Variants in FNDC3A observed in about 807,000 individuals in gnomAD.
FNDC3A encodes the protein fibronectin type III domain containing 3A.
In FNDC3A, 32 loss-of-function variants were observed where a neutral mutation model predicts 148.9. The ratio of observed to expected loss-of-function variants is 0.21; its 90% CI spans 0.16 to 0.29. FNDC3A has a LOEUF of 0.29. Among genes scored for constraint, FNDC3A ranks in the 10% least tolerant of loss-of-function variants. FNDC3A has a pLI of 1.00. For synonymous variants in FNDC3A, 472 were observed against 473.6 expected (o/e 1.00, Z 0.04); for missense variants, 1,191 against 1,452.8 (o/e 0.82, Z 2.93).
chr13:49,007,886 T>G (rs1952251959), intron 2 of FNDC3A, among the ~76,000 whole-genome samples: 1 of 152,148 alleles, frequency 6.6e-6, no homozygotes, highest in Admixed American at 6.6e-5. Context: ...ACTAGCAGGT[T>G]GCGTGTAGTT....
intron 4 of FNDC3A, among the ~76,000 whole-genome samples, chr13:49,118,137 TTTTTAGTTAA>T (rs1203927208): frequency 3.9e-5 from 6 of 152,292 alleles, no homozygotes. Context: ...GTCTTATCGT[TTTTTAGTTAA>T]TTTAAGTTTC....
At position 49,201,780 on chromosome 13, in the gene FNDC3A, A is replaced by AATAGTTATT; in HGVS notation, c.2988-19_2988-11dup. ...TCATAAGGTAGTATAAGGTTTATCTAATAGTTATTTCCATTTTAGGTTTGT... is the reference window on the plus strand; with the variant it reads ...TCATAAGGTAGTATAAGGTTTATCTAATAGTTATTATAGTTATTTCCATTTTAGGTTTGT... On this transcript the variant is annotated intron_variant, in intron 23 of 25. Coordinates refer to ENST00000492622, the MANE Select transcript of FNDC3A (RefSeq NM_001079673.2). 1 of 1,316,588 alleles carries AATAGTTATT rather than the reference A, an allele frequency of 7.6e-7. No individual in the cohort carries two copies. Among genetic ancestry groups the AATAGTTATT allele is most frequent in the Non-Finnish European group, 1.0e-6 (1 of 975,136 alleles). The allele number at this position is 1,316,588 out of a possible 1,614,324, so 81.6% of individuals were successfully genotyped here. A position where few individuals can be genotyped will look rare whatever the true frequency, so the allele number is the denominator to read the frequency against.
At chr13:49,033,081 G>A (rs1236656740) in intron 2 of FNDC3A, among the ~76,000 whole-genome samples, 1 of 152,104 alleles carries the variant, frequency 6.6e-6, no homozygotes, top group Non-Finnish European at 1.5e-5. Context: ...TATGGGATTT[G>A]TACACTGATG....
intron 1 of FNDC3A, among the ~76,000 whole-genome samples, chr13:48,984,197 A>C (rs1481706861): frequency 6.6e-6 from 1 of 152,194 alleles, no homozygotes; most frequent in South Asian, 2.1e-4. Context: ...ATGTGAATGG[A>C]TGGAGGAGTA....
chr13:49,171,828 G>A (rs145422244), intron 10 of FNDC3A, among the ~76,000 whole-genome samples: 139 of 152,170 alleles, frequency 9.1e-4, no homozygotes, highest in Non-Finnish European at 1.7e-3. Context: ...TTCAGTGTTC[G>A]GAAAGACTTG....
At chr13:49,049,418 G>A (rs1311355280) in intron 2 of FNDC3A, among the ~76,000 whole-genome samples, 1 of 151,996 alleles carries the variant, frequency 6.6e-6, no homozygotes, top group African/African-American at 2.4e-5. Context: ...ATAGAATTCA[G>A]CTGTGAATCC....
intron 3 of FNDC3A, among the ~76,000 whole-genome samples, chr13:49,093,013 G>A (rs1253391985): frequency 6.6e-6 from 1 of 152,090 alleles, no homozygotes; most frequent in Non-Finnish European, 1.5e-5. Flanking sequence ...CTAGTTATTG[G>A]TGGATCTAGA....
intron 2 of FNDC3A, among the ~76,000 whole-genome samples, chr13:49,043,469 C>T (rs970414262): frequency 6.6e-6 from 1 of 151,942 alleles, no homozygotes; most frequent in Non-Finnish European, 1.5e-5. Context: ...GTGTTCTTTC[C>T]GAGACCATTT....
intron 16 of FNDC3A, chr13:49,187,645 A>G: frequency 5.6e-6 from 9 of 1,599,576 alleles, no homozygotes; most frequent in Non-Finnish European, 7.7e-6. Flanking sequence ...AGAGGTTGTG[A>G]ACCTCCGGAT....
At position 49,150,930 on chromosome 13, in the gene FNDC3A, C is replaced by T. The variant is rs1010362979; in HGVS notation, c.977+4995C>T. On this transcript the variant is annotated intron_variant, in intron 8 of 25. Coordinates refer to ENST00000492622, the MANE Select transcript of FNDC3A (RefSeq NM_001079673.2). ...ACTGCACTCCATCCTGGCAACCCAG[C>T]AAGACTCCGTCTCAAAAAAAAAAAA... is the stretch of plus-strand genomic sequence containing the variant. Among the ~76,000 whole-genome samples the T allele has an allele frequency of 2.4e-5, 3 of 124,970 alleles. No individual in the cohort carries two copies. The Admixed American group carries it at 2.7e-4, about 11-fold the overall frequency. 82.0% of individuals were successfully genotyped at this position (124,970 alleles called of 152,430 possible).
At chr13:49,062,759 CT>C (rs1876985557) in intron 2 of FNDC3A, among the ~76,000 whole-genome samples, 1 of 152,188 alleles carries the variant, frequency 6.6e-6, no homozygotes, top group Non-Finnish European at 1.5e-5. Flanking sequence ...AGTTAATTGG[CT>C]GAGTACTTGT....
chr13:49,134,362 C>T (rs1471297541), intron 5 of FNDC3A, among the ~76,000 whole-genome samples: 3 of 152,028 alleles, frequency 2.0e-5, no homozygotes, highest in Non-Finnish European at 2.9e-5. Flanking sequence ...TTCATGTTCT[C>T]ACATATAATA....
At chr13:49,018,586 CCTT>C (rs1873021092) in intron 2 of FNDC3A, among the ~76,000 whole-genome samples, 3 of 152,362 alleles carry the variant, frequency 2.0e-5, no homozygotes, top group Non-Finnish European at 1.5e-5. Flanking sequence ...TCGTCTGAAG[CCTT>C]CTTCTCTCAG....
chr13:49,161,483 C>CTGTG (rs1477769694), intron 8 of FNDC3A, among the ~76,000 whole-genome samples: 15 of 152,100 alleles, frequency 9.9e-5, no homozygotes, highest in African/African-American at 3.6e-4. Flanking sequence ...TATTTTGAGC[C>CTGTG]TGTGTGTGTG....
chr13:49,180,866 G>A (rs116413113), intron 14 of FNDC3A, among the ~76,000 whole-genome samples: 2,847 of 151,302 alleles, frequency 0.019, 93 homozygotes, highest in African/African-American at 0.064. Flanking sequence ...CTGCACTCCC[G>A]ACTGGGCAAT....
chr13:48,978,713 C>G (rs1000561359), intron 1 of FNDC3A, among the ~76,000 whole-genome samples: 2 of 151,954 alleles, frequency 1.3e-5, no homozygotes, highest in Non-Finnish European at 2.9e-5. Flanking sequence ...TTCAAATAAA[C>G]TCACAATATT....
Position 49,159,502 on chromosome 13 carries a change from C to G in FNDC3A, c.978-7742C>G, listed in dbSNP as rs1883949374. Among the ~76,000 whole-genome samples, 6 of 152,190 alleles carry G rather than the reference C, an allele frequency of 3.9e-5. No homozygotes were observed. In the South Asian group the frequency reaches 1.2e-3, roughly 32 times the overall value. ...AGACTTTGCTGAAGTTGCTTATCAG[C>G]TTAAGGAGGTTTCGGGCTGAGACAC... On this transcript the variant is annotated intron_variant, in intron 8 of 25. Coordinates refer to ENST00000492622, the MANE Select transcript of FNDC3A (RefSeq NM_001079673.2).
At chr13:49,157,610 T>G (rs951603282) in intron 8 of FNDC3A, among the ~76,000 whole-genome samples, 1 of 151,306 alleles carries the variant, frequency 6.6e-6, no homozygotes, top group Non-Finnish European at 1.5e-5. Context: ...CGTTTTAGAG[T>G]TTCCACTTTT....
chr13:49,102,136 T>C (rs1466623773), intron 3 of FNDC3A, among the ~76,000 whole-genome samples: 1 of 152,034 alleles, frequency 6.6e-6, no homozygotes, highest in African/African-American at 2.4e-5. Context: ...AGCGTAGCTT[T>C]TTTTTTCTTG....
Sources: allele counts gnomAD v4.1 joint callset (sites outside exome capture counted in the v4.1 genomes callset), GRCh38; gene constraint gnomAD v4.1.1; transcripts MANE v1.5; gene names NCBI Gene and HGNC (gene_info 2026-07-23, HGNC 2026-07-21).